SLC24A2: variants seen among roughly 807,000 people sequenced by gnomAD.
SLC24A2 encodes solute carrier family 24 member 2.
Under a neutral mutation model 62.0 loss-of-function variants are expected in SLC24A2, and 36 were observed. The ratio of observed to expected loss-of-function variants is 0.58; its 90% confidence interval spans 0.44 to 0.77. The LOEUF is 0.77. SLC24A2 is among the 30% of genes least tolerant of loss of function. The probability of loss-of-function intolerance (pLI) is 0.00; values close to 1 mark genes in which losing one functional copy is unlikely to be tolerated. For missense variants in SLC24A2, 846 were observed against 817.9 expected (o/e 1.03, Z -0.42); for synonymous variants, 358 against 294.0 (o/e 1.22, Z -2.23).
intron 7 of SLC24A2, among the ~76,000 whole-genome samples, chr9:19,571,064 C>G (rs773736950): frequency 4.6e-5 from 7 of 152,196 alleles, no homozygotes; most frequent in Non-Finnish European, 1.0e-4. Flanking sequence ...ACAGATGTCC[C>G]TCTGTCAGCC....
chr9:19,935,519 CTCAT>C, the SLC24A2 span, among the ~76,000 whole-genome samples: 2 of 152,198 alleles, frequency 1.3e-5, no homozygotes, highest in Non-Finnish European at 2.9e-5. Flanking sequence ...CACCTGATTC[CTCAT>C]TCAATCACCA....
chr9:20,197,427 CTTTTTTTTTTT>C, the SLC24A2 span, among the ~76,000 whole-genome samples: 1 of 93,150 alleles, frequency 1.1e-5, no homozygotes, highest in Non-Finnish European at 2.0e-5. Flanking sequence ...CTCTCTCTCT[CTTTTTTTTTTT>C]TTTTTTTTTT....
At chr9:20,119,180 T>C in the SLC24A2 span, among the ~76,000 whole-genome samples, 1 of 152,096 alleles carries the variant, frequency 6.6e-6, no homozygotes, top group Non-Finnish European at 1.5e-5. Context: ...AAGCAGATCT[T>C]TGCTTAGTTT....
At chr9:20,115,078 G>A in the SLC24A2 span, among the ~76,000 whole-genome samples, 4 of 152,222 alleles carry the variant, frequency 2.6e-5, no homozygotes, top group South Asian at 6.2e-4. Flanking sequence ...AATTTTAGGG[G>A]AAATTAATGG....
chr9:20,047,189 G>A, the SLC24A2 span, among the ~76,000 whole-genome samples: 1,248 of 152,248 alleles, frequency 8.2e-3, 23 homozygotes, highest in African/African-American at 0.029. Context: ...ACGGGCAACA[G>A]GACCTAGCAT....
chr9:19,850,946 CAT>C, the SLC24A2 span, among the ~76,000 whole-genome samples: 1,326 of 24,694 alleles, frequency 0.054, 75 homozygotes, highest in South Asian at 0.17. Context: ...TATATATATA[CAT>C]ATATATATAT....
chr9:19,828,046 A>C, the SLC24A2 span, among the ~76,000 whole-genome samples: 1 of 152,332 alleles, frequency 6.6e-6, no homozygotes, highest in South Asian at 2.1e-4. Flanking sequence ...GCCTGGTTTT[A>C]TGACGGTCAA....
the SLC24A2 span, among the ~76,000 whole-genome samples, chr9:20,103,053 C>A: frequency 8.5e-5 from 13 of 152,244 alleles, no homozygotes; most frequent in Non-Finnish European, 1.0e-4. Flanking sequence ...ATATCCCACG[C>A]CTGGCTTGGA....
At chr9:19,927,493 C>T in the SLC24A2 span, 1 of 152,256 alleles carries the variant, frequency 6.6e-6, no homozygotes, top group African/African-American at 2.4e-5. Flanking sequence ...GAATTTGGGC[C>T]TAGAATTGAC....
At chr9:19,883,623 T>C in the SLC24A2 span, among the ~76,000 whole-genome samples, 1 of 151,296 alleles carries the variant, frequency 6.6e-6, no homozygotes, top group African/African-American at 2.4e-5. Context: ...TGAAGTGCAG[T>C]GGTGCTATCT....
chr9:20,143,859 C>A, the SLC24A2 span, among the ~76,000 whole-genome samples: 1 of 152,160 alleles, frequency 6.6e-6, no homozygotes, highest in Admixed American at 6.5e-5. Flanking sequence ...ACACATATGA[C>A]TCTAATATTT....
At chr9:20,178,876 C>A in the SLC24A2 span, among the ~76,000 whole-genome samples, 1 of 152,116 alleles carries the variant, frequency 6.6e-6, no homozygotes, top group Non-Finnish European at 1.5e-5. Flanking sequence ...TACTCTCAAG[C>A]CACATACCTA....
chr9:20,283,329 G>A, the SLC24A2 span, among the ~76,000 whole-genome samples: 1 of 152,184 alleles, frequency 6.6e-6, no homozygotes, highest in Non-Finnish European at 1.5e-5. Flanking sequence ...CTGATTCCCA[G>A]TTCAGACTAC....
chr9:19,829,765 A>ATGTGTGTG, the SLC24A2 span, among the ~76,000 whole-genome samples: 2 of 56,866 alleles, frequency 3.5e-5, no homozygotes, highest in African/African-American at 8.0e-5. Context: ...TTATATATAT[A>ATGTGTGTG]TGTGTGTGTG....
At chr9:20,103,082 G>C in the SLC24A2 span, among the ~76,000 whole-genome samples, 1 of 152,236 alleles carries the variant, frequency 6.6e-6, no homozygotes, top group Non-Finnish European at 1.5e-5. Flanking sequence ...CGCCCACGGA[G>C]TCTCACTGAC....
the SLC24A2 span, among the ~76,000 whole-genome samples, chr9:19,936,533 C>T: frequency 1.3e-5 from 2 of 152,186 alleles, no homozygotes; most frequent in African/African-American, 4.8e-5. Flanking sequence ...CTCAGCCTCC[C>T]AAAGTGCTAG....
At chr9:19,763,241 A>G (rs1822399856) in intron 2 of SLC24A2, among the ~76,000 whole-genome samples, 1 of 152,228 alleles carries the variant, frequency 6.6e-6, no homozygotes, top group Admixed American at 6.5e-5. Flanking sequence ...TTTTCTAAAT[A>G]TACAATCGTG....
the SLC24A2 span, among the ~76,000 whole-genome samples, chr9:20,237,062 A>T: frequency 6.6e-6 from 1 of 151,984 alleles, no homozygotes; most frequent in Non-Finnish European, 1.5e-5. Context: ...AACACCAGAG[A>T]CTCAAAAGAG....
In SLC24A2 at chr9:19,508,788, T is replaced by G. The variant is rs887150937; in HGVS notation, c.*7365A>C. On this transcript the variant is annotated 3_prime_UTR_variant, in exon 11 of 11. Transcript: ENST00000341998. ...TAGCCTGGGTGACAGAGCAAGACCC[T>G]GTCTGTTAAAAAAAAAATTATATAA... is the stretch of plus-strand genomic sequence containing the variant. The G allele has an allele frequency of 2.0e-5, 2 of 97,926 alleles. No individual in the cohort carries two copies. Among genetic ancestry groups the G allele is most frequent in the African/African-American group, 1.0e-4 (2 of 19,798 alleles). 6.1% of individuals were successfully genotyped at this position (97,926 alleles called of 1,614,324 possible).
Sources: allele counts gnomAD v4.1 joint callset (sites outside exome capture counted in the v4.1 genomes callset), GRCh38; gene constraint gnomAD v4.1.1; transcripts MANE v1.5; gene names NCBI Gene and HGNC (gene_info 2026-07-23, HGNC 2026-07-21).